The following MICAL2 variants were observed in gnomAD, a reference collection of about 807,000 sequenced individuals.
The protein encoded by MICAL2 is microtubule associated monooxygenase, calponin and LIM domain containing 2.
Under a neutral mutation model 127.3 loss-of-function variants are expected in MICAL2, and 77 were observed. That is an observed-to-expected ratio of 0.60 (90% confidence interval 0.50 to 0.73). MICAL2 has a LOEUF of 0.73. MICAL2 is among the 30% of genes least tolerant of loss of function. The pLI is 0.00. For missense variants in MICAL2, 1,351 were observed against 1,434.4 expected, an observed-to-expected ratio of 0.94 and a Z score of 0.94; for synonymous variants, 570 against 551.1, an observed-to-expected ratio of 1.03 and a Z score of -0.48.
intron 32 of MICAL2, among the ~76,000 whole-genome samples, chr11:12,349,184 A>C (rs1301167392): frequency 6.6e-6 from 1 of 152,250 alleles, no homozygotes; most frequent in African/African-American, 2.4e-5. Context: ...TTAAATATCT[A>C]AGAAGCAGTG....
chr11:12,147,097 T>G, intron 2 of MICAL2, among the ~76,000 whole-genome samples: 1 of 151,936 alleles, frequency 6.6e-6, no homozygotes, highest in East Asian at 1.9e-4. Context: ...CATTAGGAGA[T>G]ATATCTAATG....
intron 29 of MICAL2, among the ~76,000 whole-genome samples, chr11:12,311,452 C>T (rs1045948861): frequency 1.3e-5 from 2 of 151,544 alleles, no homozygotes; most frequent in Admixed American, 1.3e-4. Context: ...TGCTCTGTTG[C>T]CCAGGCTGGA....
At chr11:12,224,912 CTCTT>C (rs747445961) in intron 13 of MICAL2, 92 bp downstream of exon 13, 108 of 1,438,468 alleles carry the variant, frequency 7.5e-5, no homozygotes, top group Middle Eastern at 1.8e-4. Flanking sequence ...TTCAATATTT[CTCTT>C]TCTGTGTTTC....
chr11:12,242,138 A>C lies in MICAL2; in HGVS notation c.2338-76A>C. The C allele has an allele frequency of 3.2e-6, 4 of 1,268,608 alleles. No homozygotes were observed. The South Asian group carries it at 6.0e-5, about 19-fold the overall frequency. The allele number at this position is 1,268,608 out of a possible 1,614,324, so 78.6% of individuals were successfully genotyped here. On this transcript the variant is annotated intron_variant, in intron 18 of 27. Transcript: ENST00000683283. ...GGTGCACCCTTTGTCTCTGGTCTTC[A>C]TGGGGGATCCCTCATGGTGAGGGTG... is the stretch of plus-strand genomic sequence containing the variant.
chr11:12,155,404 C>A (rs570945511), intron 2 of MICAL2, among the ~76,000 whole-genome samples: 102 of 152,220 alleles, frequency 6.7e-4, no homozygotes, highest in African/African-American at 2.3e-3. Context: ...TACATATGTG[C>A]TCACATATAC....
intron 31 of MICAL2, among the ~76,000 whole-genome samples, chr11:12,325,436 C>T (rs998691256): frequency 2.0e-5 from 3 of 152,168 alleles, no homozygotes; most frequent in Admixed American, 1.3e-4. Context: ...AAGAATGACA[C>T]TGTATTCGTC....
chr11:12,230,534 T>C (rs1173130768), intron 15 of MICAL2, among the ~76,000 whole-genome samples: 1 of 152,204 alleles, frequency 6.6e-6, no homozygotes, highest in African/African-American at 2.4e-5. Flanking sequence ...CCTTCCTCCC[T>C]GCCCCTCCCT....
At chr11:12,180,335 G>GTATATATATATATATA (rs1554968135) in intron 3 of MICAL2, among the ~76,000 whole-genome samples, 5 of 126,388 alleles carry the variant, frequency 4.0e-5, no homozygotes, top group Admixed American at 7.9e-5. Context: ...TTATATACAT[G>GTATATATATATATATA]TATATATGTA....
chr11:12,293,459 A>T, downstream of MICAL2: 1 of 1,402,076 alleles, frequency 7.1e-7, no homozygotes, highest in Non-Finnish European at 9.7e-7. Context: ...CTGAGATGGG[A>T]AGAAAAAACA....
intron 22 of MICAL2, chr11:12,253,277 C>T (rs1185378161): frequency 6.6e-6 from 1 of 152,270 alleles, no homozygotes; most frequent in Non-Finnish European, 1.5e-5. Context: ...GGCCATGCAC[C>T]CCAGGGCCCA....
At chr11:12,359,044 CA>C (rs1939172121), downstream of MICAL2, 2 of 152,388 alleles carry the variant, frequency 1.3e-5, no homozygotes, top group African/African-American at 4.8e-5. Context: ...TAATTCAATC[CA>C]GGGTGAATTT....
chr11:12,142,598 C>T (rs545963184), intron 2 of MICAL2, among the ~76,000 whole-genome samples: 2 of 152,368 alleles, frequency 1.3e-5, no homozygotes, highest in South Asian at 4.1e-4. Context: ...ATGGAAACCA[C>T]TCACTTTTTC....
intron 29 of MICAL2, among the ~76,000 whole-genome samples, chr11:12,299,170 C>G (rs1176430348): frequency 6.6e-6 from 1 of 152,156 alleles, no homozygotes. Context: ...GTGCCTGCAC[C>G]TATTTCTTAG....
chr11:12,300,362 A>T (rs764791478), intron 29 of MICAL2, among the ~76,000 whole-genome samples: 4 of 152,202 alleles, frequency 2.6e-5, no homozygotes, highest in Non-Finnish European at 2.9e-5. Context: ...ATTTCATCCC[A>T]TGATTAAGTT....
chr11:12,302,149 A>G (rs1220778286), intron 29 of MICAL2, among the ~76,000 whole-genome samples: 1 of 152,148 alleles, frequency 6.6e-6, no homozygotes, highest in Non-Finnish European at 1.5e-5. Flanking sequence ...GTGGAGAGAA[A>G]AGGGATGGAC....
rs1862866506 is a variant in MICAL2 at position 12,259,893 on chromosome 11, C to T, written c.3330C>T (p.Pro1110=). The stretch of plus-strand genomic sequence containing the variant: ...CCATTGGCACCCTGGAAGGCAGCCC[C>T]CCAGGTATCTCCACCTCCTTCTTTA... ...VAAIGTLEGS[P]PVHFSLPVLH... is the part of the protein sequence containing the mutation. Residue 1110 remains proline, a synonymous_variant, in exon 26 of 28, where the codon CCC becomes CCT. Coordinates refer to ENST00000683283, the MANE Select transcript of MICAL2 (RefSeq NM_001282663.2). 5 of 1,613,146 alleles carry T rather than the reference C, an allele frequency of 3.1e-6. No homozygotes were observed. The South Asian group carries it at 5.5e-5, about 18-fold the overall frequency.
chr11:12,235,125 C>T (rs1858852355), intron 15 of MICAL2, among the ~76,000 whole-genome samples: 1 of 152,126 alleles, frequency 6.6e-6, no homozygotes, highest in Admixed American at 6.5e-5. Flanking sequence ...GGTCTTACCC[C>T]AGAAAAGGAT....
chr11:12,159,540 G>A (rs953462455), intron 2 of MICAL2, among the ~76,000 whole-genome samples: 1 of 152,272 alleles, frequency 6.6e-6, no homozygotes, highest in Non-Finnish European at 1.5e-5. Context: ...TACAGTAAGG[G>A]AACTGAGAAT....
chr11:12,148,882 G>A (rs866402733), intron 2 of MICAL2, among the ~76,000 whole-genome samples: 4 of 152,206 alleles, frequency 2.6e-5, no homozygotes, highest in South Asian at 2.1e-4. Flanking sequence ...CCAGCCAGGC[G>A]TCACTGTGTT....
Sources: gnomAD v4.1 joint callset for allele counts (sites outside exome capture counted in the v4.1 genomes callset) on GRCh38, gnomAD v4.1.1 for gene constraint, MANE v1.5 for transcripts, NCBI Gene and HGNC (gene_info 2026-07-23, HGNC 2026-07-21) for gene names.